BICC1: variants seen among roughly 807,000 people sequenced by gnomAD.
BICC1 encodes the protein protein bicaudal C homolog 1.
BICC1 carries 43 observed loss-of-function variants against 111.0 expected under a neutral mutation model. The ratio of observed to expected loss-of-function variants is 0.39; its 90% CI spans 0.30 to 0.50. The LOEUF is 0.50. BICC1 is among the 20% of genes least tolerant of loss of function. The pLI is 0.88. For synonymous variants in BICC1, 467 were observed against 434.4 expected (o/e 1.07, Z -0.93); for missense variants, 1,091 against 1,203.2 (o/e 0.91, Z 1.38).
intron 2 of BICC1, among the ~76,000 whole-genome samples, chr10:58,699,736 C>T (rs956955625): frequency 6.6e-6 from 1 of 151,850 alleles, no homozygotes; most frequent in African/African-American, 2.4e-5. Context: ...AATCTGTAGC[C>T]CAGGCTGGAA....
intron 1 of BICC1, among the ~76,000 whole-genome samples, chr10:58,538,224 A>G (rs982375341): frequency 1.2e-4 from 19 of 152,014 alleles, no homozygotes; most frequent in Admixed American, 1.3e-4. Context: ...ACTTCAAAAT[A>G]CACTACAGGG....
chr10:58,707,729 C>A (rs1840431221), intron 3 of BICC1, among the ~76,000 whole-genome samples: 1 of 151,852 alleles, frequency 6.6e-6, no homozygotes. Context: ...TGGAGTTTTG[C>A]TCTTATTGCC....
chr10:58,720,008 C>G (rs182969862), intron 3 of BICC1, among the ~76,000 whole-genome samples: 2 of 152,176 alleles, frequency 1.3e-5, no homozygotes, highest in African/African-American at 2.4e-5. Context: ...AAACATCCCT[C>G]TCTTATGACT....
intron 3 of BICC1, among the ~76,000 whole-genome samples, chr10:58,724,723 A>G (rs1841046757): frequency 1.3e-5 from 2 of 152,214 alleles, no homozygotes. Context: ...GGTGACTTCA[A>G]GATGGGGACA....
chr10:58,671,665 C>T (rs1839190137), intron 2 of BICC1, among the ~76,000 whole-genome samples: 1 of 152,076 alleles, frequency 6.6e-6, no homozygotes, highest in South Asian at 2.1e-4. Context: ...TCACATTATC[C>T]TCCAGCCATT....
chr10:58,685,563 CATGTAT>C (rs1839694337), intron 2 of BICC1, among the ~76,000 whole-genome samples: 1 of 152,170 alleles, frequency 6.6e-6, no homozygotes, highest in South Asian at 2.1e-4. Context: ...GTATTGGGTG[CATGTAT>C]ATTTAGGAGA....
chr10:58,516,520 A>G (rs1564467376), intron 1 of BICC1, among the ~76,000 whole-genome samples: 1 of 152,048 alleles, frequency 6.6e-6, no homozygotes, highest in Non-Finnish European at 1.5e-5. Flanking sequence ...GTTGGGGTCT[A>G]ATTACTACTT....
chr10:58,817,591 A>G lies in BICC1; in HGVS notation c.2563A>G (p.Met855Val), dbSNP rs760408201. 5.0e-6 allele frequency: 8 copies of G among 1,613,566 alleles called. No individual in the cohort carries two copies. The highest frequency in any genetic ancestry group is 3.3e-5 in the South Asian group (3 of 91,072). Residue 855 changes from methionine to valine, a missense_variant, in exon 19 of 21, where the codon ATG (methionine) becomes GTG (valine). By Grantham distance (21) the Met-to-Val change is conservative. Around this residue, in one of 3 missense-constraint regions of BICC1, gnomAD observed 231 missense variants for 256.2 expected, o/e 0.90. Transcript: ENST00000373886. ...TEHYLSSSNY[M>V]DCISSLTGSN... is the part of the protein sequence containing the mutation. ...ACACTATCTCAGCAGTAGCAATTAC[A>G]TGGACTGCATTTCCTCGCTGACAGG...
intron 20 of BICC1, chr10:58,823,736 G>T (rs1444497853): frequency 1.0e-6 from 1 of 985,110 alleles, no homozygotes; most frequent in Non-Finnish European, 1.2e-6. Context: ...ATTCCCCCGT[G>T]AGAAAATGGA....
At chr10:58,681,029 G>A (rs951636142) in intron 2 of BICC1, among the ~76,000 whole-genome samples, 1 of 152,134 alleles carries the variant, frequency 6.6e-6, no homozygotes, top group African/African-American at 2.4e-5. Flanking sequence ...AACTCAAGAT[G>A]GATTAAGGTT....
At chr10:58,563,428 G>C (rs569342967) in intron 1 of BICC1, among the ~76,000 whole-genome samples, 1 of 152,148 alleles carries the variant, frequency 6.6e-6, no homozygotes, top group African/African-American at 2.4e-5. Flanking sequence ...GGCAACGGAG[G>C]CTACCTCTTA....
chr10:58,617,253 G>T (rs528807345), intron 1 of BICC1, among the ~76,000 whole-genome samples: 1 of 152,366 alleles, frequency 6.6e-6, no homozygotes, highest in East Asian at 1.9e-4. Context: ...TAGCGGGATG[G>T]ATGCATTCAT....
At chr10:58,706,394 G>T (rs751676896) in intron 3 of BICC1, among the ~76,000 whole-genome samples, 1 of 152,212 alleles carries the variant, frequency 6.6e-6, no homozygotes, top group Non-Finnish European at 1.5e-5. Flanking sequence ...GGTATATTGT[G>T]CTGTGAGCTT....
chr10:58,549,260 A>C (rs934871234), intron 1 of BICC1, among the ~76,000 whole-genome samples: 1 of 152,158 alleles, frequency 6.6e-6, no homozygotes, highest in African/African-American at 2.4e-5. Context: ...TAAGACTTCT[A>C]TAAACATTCT....
chr10:58,513,567 G>T (rs565122891), intron 1 of BICC1, among the ~76,000 whole-genome samples: 1 of 152,350 alleles, frequency 6.6e-6, no homozygotes, highest in East Asian at 1.9e-4. Context: ...AACTTGACTG[G>T]CTTCAGAAAA....
intron 2 of BICC1, among the ~76,000 whole-genome samples, chr10:58,688,400 A>G (rs1274236179): frequency 6.6e-6 from 1 of 151,878 alleles, no homozygotes; most frequent in East Asian, 1.9e-4. Flanking sequence ...GTGTTTACAA[A>G]CCTTTAGCTA....
intron 9 of BICC1, among the ~76,000 whole-genome samples, chr10:58,794,743 C>G (rs1843297014): frequency 2.6e-5 from 4 of 152,046 alleles, no homozygotes; most frequent in Non-Finnish European, 5.9e-5. Flanking sequence ...TTATTAAGTG[C>G]TAGTAAGAAT....
Position 58,718,765 on chromosome 10 carries a change from TGCGC to T in BICC1, c.307+16630_307+16633del, listed in dbSNP as rs139589306. Among the ~76,000 whole-genome samples the T allele has an allele frequency of 4.6e-3, 686 of 148,244 alleles. 4 individuals carry two copies. Among genetic ancestry groups the T allele is most frequent in the South Asian group, 0.026 (126 of 4,782 alleles). ...AAATGTGTGTGTGTGTGTGTGTGTGTGCGCGCGCGCGTGCGCGCGTGCGCACGCC... is the reference window on the plus strand; with the variant it reads ...AAATGTGTGTGTGTGTGTGTGTGTGTGCGCGCGTGCGCGCGTGCGCACGCC... On this transcript the variant is annotated intron_variant, in intron 3 of 20. Coordinates refer to ENST00000373886, the MANE Select transcript of BICC1 (RefSeq NM_001080512.3).
chr10:58,573,876 T>C (rs1317058265), intron 1 of BICC1, among the ~76,000 whole-genome samples: 1 of 152,172 alleles, frequency 6.6e-6, no homozygotes, highest in Non-Finnish European at 1.5e-5. Flanking sequence ...CATTTTTGGT[T>C]TGTAGACCCT....
Sources: allele counts gnomAD v4.1 joint callset (sites outside exome capture counted in the v4.1 genomes callset), GRCh38; gene constraint gnomAD v4.1.1; regional missense constraint gnomAD v4.1.1; transcripts MANE v1.5; gene names NCBI Gene and HGNC (gene_info 2026-07-23, HGNC 2026-07-21).